The following GSE1 variants were observed in gnomAD, a reference collection of about 807,000 sequenced individuals.
The protein encoded by GSE1 is Gse1 coiled-coil protein.
GSE1 carries 32 observed loss-of-function variants against 112.6 expected under a neutral mutation model. The ratio of observed to expected loss-of-function variants is 0.28; its 90% CI spans 0.21 to 0.38. GSE1 has a LOEUF of 0.38. Ranked by LOEUF, GSE1 falls within the 10% of genes least tolerant of loss-of-function variation. GSE1 has a pLI of 1.00. For missense variants in GSE1, 2,348 were observed against 1,699.2 expected (o/e 1.38, Z -6.71); for synonymous variants, 1,115 against 735.6 (o/e 1.52, Z -8.35).
intron 2 of GSE1, among the ~76,000 whole-genome samples, chr16:85,515,303 G>T (rs1300616905): frequency 2.0e-5 from 3 of 152,250 alleles, no homozygotes; most frequent in Non-Finnish European, 4.4e-5. Flanking sequence ...GAGCCAGGAG[G>T]GGCCTGGTCT....
chr16:85,191,631 G>C (rs1446750425), intron 1 of GSE1, among the ~76,000 whole-genome samples: 6 of 152,174 alleles, frequency 3.9e-5, no homozygotes, highest in Admixed American at 3.9e-4. Context: ...ACGTGCCGCT[G>C]TGCCTCTTCT....
At chr16:85,205,720 C>T (rs965335068) in intron 1 of GSE1, among the ~76,000 whole-genome samples, 9 of 152,162 alleles carry the variant, frequency 5.9e-5, no homozygotes, top group African/African-American at 2.2e-4. Context: ...AGTGGGTGTC[C>T]CATGGGCCTG....
intron 1 of GSE1, among the ~76,000 whole-genome samples, chr16:85,351,226 C>T (rs2046844444): frequency 1.3e-5 from 2 of 152,208 alleles, no homozygotes; most frequent in African/African-American, 4.8e-5. Flanking sequence ...GCATGAACAG[C>T]CAACCAGTTC....
At chr16:85,574,074 C>T (rs1026909260) in intron 1 of GSE1, among the ~76,000 whole-genome samples, 1 of 152,144 alleles carries the variant, frequency 6.6e-6, no homozygotes, top group Non-Finnish European at 1.5e-5. Context: ...GCGGGGGCGC[C>T]AGGCCTCCCG....
At chr16:85,474,904 C>T (rs186645010) in intron 2 of GSE1, among the ~76,000 whole-genome samples, 2 of 152,234 alleles carry the variant, frequency 1.3e-5, no homozygotes, top group East Asian at 1.9e-4. Context: ...GGACAGACCC[C>T]GTGGTACTGA....
intron 8 of GSE1, 38 bp downstream of exon 8, chr16:85,657,642 C>T (rs770608020): frequency 2.1e-6 from 3 of 1,396,074 alleles, no homozygotes; most frequent in Admixed American, 2.7e-5. Flanking sequence ...GATGAGCCTT[C>T]ACGTTCCGAT....
At position 85,634,125 on chromosome 16, in the gene GSE1, G is replaced by A; in HGVS notation, c.219G>A (p.Glu73=). 1 of 1,515,572 alleles carries A rather than the reference G, an allele frequency of 6.6e-7. No individual in the cohort carries two copies. Among genetic ancestry groups the A allele is most frequent in the Non-Finnish European group, 8.8e-7 (1 of 1,138,286 alleles). The allele number at this position is 1,515,572 out of a possible 1,614,324, so 93.9% of individuals were successfully genotyped here. The change falls in exon 2 of 16, where the codon GAG becomes GAA. Residue 73 remains glutamate (E), a synonymous_variant. Coordinates refer to ENST00000253458, the MANE Select transcript of GSE1 (RefSeq NM_014615.5). ...GCAAGCTCGCCAAACAGGCGGAGGA[G>A]CCCAGAGGTAAGGGGGCCCGCCAGG... The part of the protein sequence containing the change: ...ALRKLAKQAE[E]PRGSSLSSES...
At chr16:85,649,448 T>C (rs573408861) in intron 3 of GSE1, among the ~76,000 whole-genome samples, 1 of 152,302 alleles carries the variant, frequency 6.6e-6, no homozygotes, top group East Asian at 1.9e-4. Context: ...GGTTTTGTGT[T>C]TCTGTCTTAC....
At chr16:85,611,597 C>A, upstream of GSE1, 2 of 571,126 alleles carry the variant, frequency 3.5e-6, no homozygotes, top group Non-Finnish European at 4.4e-6. Context: ...GTGGTCTGCC[C>A]GGAGCCTTGT....
At chr16:85,330,145 C>T (rs995908301) in intron 1 of GSE1, among the ~76,000 whole-genome samples, 1 of 152,216 alleles carries the variant, frequency 6.6e-6, no homozygotes, top group African/African-American at 2.4e-5. Context: ...CGAGCAGGGA[C>T]CCCAGGGCTC....
At chr16:85,382,187 G>A (rs951420389) in intron 2 of GSE1, among the ~76,000 whole-genome samples, 1 of 152,124 alleles carries the variant, frequency 6.6e-6, no homozygotes, top group Non-Finnish European at 1.5e-5. Context: ...CCCGGGGCTC[G>A]CTCAGGCGGC....
intron 2 of GSE1, among the ~76,000 whole-genome samples, chr16:85,370,958 G>A (rs372982011): frequency 2.4e-4 from 37 of 152,342 alleles, no homozygotes; most frequent in African/African-American, 7.9e-4. Context: ...AGGGTGGGGC[G>A]GAGGCTGGGA....
At chr16:85,650,812 C>G (rs796318966) in intron 3 of GSE1, among the ~76,000 whole-genome samples, 1 of 151,938 alleles carries the variant, frequency 6.6e-6, no homozygotes, top group South Asian at 2.1e-4. Flanking sequence ...CGGCCCAAAG[C>G]TGTGGCCATG....
rs2051347915 is a variant in GSE1, at chr16:85,501,013, T to TTTTG, written c.2465-132898_2465-132897insGTTT. Among the ~76,000 whole-genome samples, 8 of 140,960 alleles carry TTTTG rather than the reference T, an allele frequency of 5.7e-5. No individual in the cohort carries two copies. In the South Asian group the frequency reaches 1.9e-3, roughly 34 times the overall value. The allele number at this position is 140,960 out of a possible 152,430, so 92.5% of individuals were successfully genotyped here. A position where few individuals can be genotyped will look rare whatever the true frequency, so the allele number is the denominator to read the frequency against. ...GGCCTGTTCTGTTTTTTTTTTTTTT[T>TTTTG]TTTTTTTTTTGAGACGGAGTCTCAC... On this transcript the variant is annotated intron_variant, in intron 2 of 2. Coordinates refer to the GSE1 transcript ENST00000637419.
At chr16:85,636,853 C>G (rs975445729) in intron 2 of GSE1, among the ~76,000 whole-genome samples, 4 of 152,168 alleles carry the variant, frequency 2.6e-5, no homozygotes, top group Non-Finnish European at 4.4e-5. Context: ...GCACGCTGAC[C>G]CTGCCTCCCT....
chr16:85,232,814 C>T (rs1355889877), intron 1 of GSE1, among the ~76,000 whole-genome samples: 1 of 152,270 alleles, frequency 6.6e-6, no homozygotes, highest in Admixed American at 6.5e-5. Flanking sequence ...TCCTTCCACC[C>T]AGGTTGCATT....
intron 2 of GSE1, among the ~76,000 whole-genome samples, chr16:85,476,236 G>A (rs999709884): frequency 2.0e-5 from 3 of 152,174 alleles, no homozygotes; most frequent in Non-Finnish European, 4.4e-5. Context: ...CTCACCTTTT[G>A]TTGAGGCCTG....
chr16:85,268,643 A>G (rs983874574), intron 1 of GSE1, among the ~76,000 whole-genome samples: 5 of 152,174 alleles, frequency 3.3e-5, no homozygotes, highest in African/African-American at 9.7e-5. Context: ...TGCTGCTGCC[A>G]TGATCCCGGC....
chr16:85,472,503 T>A (rs2050326464), intron 2 of GSE1, among the ~76,000 whole-genome samples: 1 of 152,238 alleles, frequency 6.6e-6, no homozygotes, highest in South Asian at 2.1e-4. Context: ...AGGACCCACC[T>A]TATTCCCGTG....
Sources: gnomAD v4.1 joint callset for allele counts (sites outside exome capture counted in the v4.1 genomes callset) on GRCh38, gnomAD v4.1.1 for gene constraint, MANE v1.5 for transcripts, NCBI Gene and HGNC (gene_info 2026-07-23, HGNC 2026-07-21) for gene names.